The following CDC42BPB variants were observed in gnomAD, a reference collection of about 807,000 sequenced individuals.
CDC42BPB encodes the protein serine/threonine-protein kinase MRCK beta.
Under a neutral mutation model 214.9 loss-of-function variants are expected in CDC42BPB, and 37 were observed. The ratio of observed to expected loss-of-function variants is 0.17; its 90% CI spans 0.13 to 0.23. The LOEUF (loss-of-function observed/expected upper bound fraction) is 0.23. CDC42BPB is among the 10% of genes least tolerant of loss of function. The pLI, the probability that CDC42BPB is intolerant of heterozygous loss-of-function variation, is 1.00. For missense variants in CDC42BPB, 1,694 were observed against 2,227.0 expected (o/e 0.76, Z 4.82); for synonymous variants, 931 against 884.0 (o/e 1.05, Z -0.94).
chr14:102,991,093 T>C (rs893111694), intron 5 of CDC42BPB, among the ~76,000 whole-genome samples: 2 of 152,192 alleles, frequency 1.3e-5, no homozygotes, highest in East Asian at 1.9e-4. Context: ...GATATTTGCA[T>C]GGTCTTAAAA....
At chr14:102,949,376 C>T (rs1022511178) in intron 26 of CDC42BPB, among the ~76,000 whole-genome samples, 1 of 152,100 alleles carries the variant, frequency 6.6e-6, no homozygotes, top group Non-Finnish European at 1.5e-5. Context: ...TTCTTCCACA[C>T]ACCAGCACCT....
At chr14:102,946,313 G>T (rs1807125) in intron 28 of CDC42BPB, among the ~76,000 whole-genome samples, 155 bp downstream of exon 28, 1 of 56,550 alleles carries the variant, frequency 1.8e-5, no homozygotes, top group Non-Finnish European at 3.4e-5. Flanking sequence ...GTGAGCCACC[G>T]CACCCGGCCT....
intron 5 of CDC42BPB, among the ~76,000 whole-genome samples, chr14:102,993,291 T>G (rs1894579880): frequency 6.6e-6 from 1 of 152,128 alleles, no homozygotes; most frequent in Non-Finnish European, 1.5e-5. Context: ...TCCACCAGTG[T>G]TGGGAAGAAA....
chr14:103,056,623 T>C (rs1719134777), intron 1 of CDC42BPB, among the ~76,000 whole-genome samples: 1 of 122,426 alleles, frequency 8.2e-6, no homozygotes, highest in African/African-American at 3.2e-5. Context: ...GGAAATGATA[T>C]CCAGACTCGG....
At chr14:102,978,280 G>C in intron 8 of CDC42BPB, 75 bp from the exon 9 acceptor site, 1 of 1,595,022 alleles carries the variant, frequency 6.3e-7, no homozygotes, top group Non-Finnish European at 8.5e-7. Context: ...GATGGTTACA[G>C]TCATGGTGAC....
intron 5 of CDC42BPB, among the ~76,000 whole-genome samples, chr14:102,997,760 G>A (rs1595124788): frequency 6.6e-6 from 1 of 152,066 alleles, no homozygotes; most frequent in Non-Finnish European, 1.5e-5. Context: ...TCAACTACAA[G>A]GCTGCTGTCA....
intron 1 of CDC42BPB, among the ~76,000 whole-genome samples, chr14:103,055,005 C>T (rs1342498715): frequency 6.6e-6 from 1 of 152,260 alleles, no homozygotes; most frequent in Non-Finnish European, 1.5e-5. Context: ...GCCAGTGGGA[C>T]CACATCTTCC....
At chr14:103,022,505 T>C (rs1240881803) in intron 1 of CDC42BPB, among the ~76,000 whole-genome samples, 1 of 152,124 alleles carries the variant, frequency 6.6e-6, no homozygotes, top group Non-Finnish European at 1.5e-5. Context: ...TACAGGCACA[T>C]GCCACCACGC....
At position 103,001,239 on chromosome 14, in the gene CDC42BPB, G is replaced by A. The variant is rs780178980; in HGVS notation, c.448-1526C>T. Among the ~76,000 whole-genome samples, 16 of 152,130 alleles carry A rather than the reference G, an allele frequency of 1.1e-4. No homozygotes were observed. Among genetic ancestry groups the A allele is most frequent in the South Asian group, 2.1e-4 (1 of 4,832 alleles). ...GCCGAGTTTTTCAATTTGTTCATTC[G>A]CTCGTGCACCCTCACTGTGGCCCCG... On this transcript the variant is annotated intron_variant, in intron 4 of 36. Coordinates refer to ENST00000361246, the MANE Select transcript of CDC42BPB (RefSeq NM_006035.4). The surrounding 1 kb of genome is among the most constrained non-coding windows in gnomAD (Gnocchi z 5.8).
chr14:103,028,560 A>G (rs1480376539), intron 1 of CDC42BPB, among the ~76,000 whole-genome samples: 1 of 152,228 alleles, frequency 6.6e-6, no homozygotes, highest in Non-Finnish European at 1.5e-5. Context: ...TTTCCCACAG[A>G]AACAGCATGG....
At chr14:102,996,832 C>G (rs1323176433) in intron 5 of CDC42BPB, among the ~76,000 whole-genome samples, 1 of 149,878 alleles carries the variant, frequency 6.7e-6, no homozygotes, top group Non-Finnish European at 1.5e-5. Context: ...AAAAAACAAC[C>G]TATACTAATT....
At chr14:102,984,489 G>C (rs1390949113) in intron 6 of CDC42BPB, among the ~76,000 whole-genome samples, 1 of 152,120 alleles carries the variant, frequency 6.6e-6, no homozygotes, top group Admixed American at 6.5e-5. Flanking sequence ...CAGCGCACCA[G>C]GAGGCTAAGA....
intron 16 of CDC42BPB, chr14:102,967,459 T>A: frequency 1.7e-6 from 1 of 599,652 alleles, no homozygotes; most frequent in Non-Finnish European, 2.1e-6. Context: ...CATGACTCCA[T>A]TCAAAAATTA....
rs944394538 is a variant in CDC42BPB, at chr14:103,001,203, C to T, written c.448-1490G>A. 2.0e-5 allele frequency among the ~76,000 whole-genome samples: 3 copies of T among 152,174 alleles called. No individual in the cohort carries two copies. The highest frequency in any genetic ancestry group is 6.5e-5 in the Admixed American group (1 of 15,288). On this transcript the variant is annotated intron_variant, in intron 4 of 36. Coordinates refer to ENST00000361246, the MANE Select transcript of CDC42BPB (RefSeq NM_006035.4). The surrounding 1 kb of genome is among the most constrained non-coding windows in gnomAD (Gnocchi z 5.8). The stretch of plus-strand genomic sequence containing the variant: ...TCCCCGCCCTGGCTCAGGCACTGCC[C>T]GTCCTTCCCCGCCGAGTTTTTCAAT...
At chr14:102,986,770 C>G in intron 5 of CDC42BPB, 190 bp from the exon 6 acceptor site, 1 of 978,010 alleles carries the variant, frequency 1.0e-6, no homozygotes, top group Non-Finnish European at 1.2e-6. Flanking sequence ...ATCACTGCCC[C>G]TCGTTTAGTC....
intron 1 of CDC42BPB, among the ~76,000 whole-genome samples, chr14:103,051,633 C>G (rs111288175): frequency 0.073 from 11,128 of 152,222 alleles, 496 homozygotes; most frequent in Middle Eastern, 0.12. Context: ...CTCTGTCAAC[C>G]CTGCAGTGTT....
Position 102,971,268 on chromosome 14 carries a change from A to G in CDC42BPB, c.1884+651T>C, listed in dbSNP as rs143638616. On this transcript the variant is annotated intron_variant, in intron 13 of 36. Coordinates refer to ENST00000361246, the MANE Select transcript of CDC42BPB (RefSeq NM_006035.4). Reference sequence around the variant, plus strand: ...CTGCCAAATTTTTAAAGAAATAGTTACTTTTCATTAAACATGTTACTTATG... The same window carrying G: ...CTGCCAAATTTTTAAAGAAATAGTTGCTTTTCATTAAACATGTTACTTATG... Among the ~76,000 whole-genome samples, 7 of 151,866 alleles carry G rather than the reference A, an allele frequency of 4.6e-5. No homozygotes were observed. In the East Asian group the frequency reaches 1.3e-3, roughly 29 times the overall value.
At chr14:102,942,203 G>A (rs1306341978) in intron 30 of CDC42BPB, among the ~76,000 whole-genome samples, 2 of 151,366 alleles carry the variant, frequency 1.3e-5, no homozygotes, top group African/African-American at 2.4e-5. Flanking sequence ...GCACCTCACC[G>A]CAGGCCCACG....
chr14:102,969,156 C>T (rs968907154), intron 14 of CDC42BPB, among the ~76,000 whole-genome samples: 2 of 152,204 alleles, frequency 1.3e-5, no homozygotes, highest in Non-Finnish European at 1.5e-5. Flanking sequence ...ATGGCTGGGG[C>T]GGCTTCTGTA....
Sources: allele counts gnomAD v4.1 joint callset (sites outside exome capture counted in the v4.1 genomes callset), GRCh38; gene constraint gnomAD v4.1.1; non-coding constraint Gnocchi (gnomAD v3.1); transcripts MANE v1.5; gene names NCBI Gene and HGNC (gene_info 2026-07-23, HGNC 2026-07-21).